Variants in CNTN4 observed in about 807,000 individuals in gnomAD.
CNTN4 encodes the protein contactin 4.
CNTN4 carries 77 observed loss-of-function variants against 122.5 expected under a neutral mutation model. That is an observed-to-expected ratio of 0.63 (90% CI 0.52 to 0.76). CNTN4 has a LOEUF of 0.76. Among genes scored for constraint, CNTN4 ranks in the 30% least tolerant of loss-of-function variants. The pLI is 0.00. For missense variants in CNTN4, 1,256 were observed against 1,259.1 expected (o/e 1.00, Z 0.04); for synonymous variants, 512 against 447.0 (o/e 1.15, Z -1.83).
intron 3 of CNTN4, among the ~76,000 whole-genome samples, chr3:2,355,053 G>C (rs2044809812): frequency 6.6e-6 from 1 of 152,214 alleles, no homozygotes; most frequent in Admixed American, 6.5e-5. Flanking sequence ...AGCTGTATTA[G>C]CTATTTAAAG....
At chr3:2,775,565 G>A (rs940294782) in intron 6 of CNTN4, among the ~76,000 whole-genome samples, 55 of 152,082 alleles carry the variant, frequency 3.6e-4, no homozygotes, top group African/African-American at 1.2e-3. Context: ...GAGTACAAGT[G>A]CGCACCACCA....
intron 2 of CNTN4, among the ~76,000 whole-genome samples, chr3:2,191,388 T>C (rs867971034): frequency 2.6e-5 from 4 of 152,004 alleles, no homozygotes; most frequent in Non-Finnish European, 2.9e-5. Context: ...GTTTTATAAG[T>C]GATACAAGCT....
chr3:2,792,084 T>A (rs902828157), intron 6 of CNTN4, among the ~76,000 whole-genome samples: 6 of 152,190 alleles, frequency 3.9e-5, no homozygotes, highest in Non-Finnish European at 7.3e-5. Flanking sequence ...TAAAATAAAT[T>A]AATTAATTTT....
At chr3:2,818,592 G>A (rs1392269855) in intron 6 of CNTN4, among the ~76,000 whole-genome samples, 5 of 152,142 alleles carry the variant, frequency 3.3e-5, no homozygotes, top group Non-Finnish European at 7.3e-5. Flanking sequence ...ACTCCTTATT[G>A]AGAGGATTTA....
chr3:2,747,227 A>G (rs2013558), intron 6 of CNTN4, among the ~76,000 whole-genome samples: 88,007 of 151,572 alleles, frequency 0.58, 28,667 homozygotes, highest in Non-Finnish European at 0.73. Flanking sequence ...GGCTAACACG[A>G]TGAAACCGCG....
chr3:2,256,046 A>C lies in CNTN4; in HGVS notation c.-144-83132A>C, dbSNP rs556401424. 2.0e-5 allele frequency among the ~76,000 whole-genome samples: 3 copies of C among 152,288 alleles called. No homozygotes were observed. In the South Asian group the frequency reaches 6.2e-4, roughly 32 times the overall value. ...TAGCAAAATAGATAGACTGCTAGCC[A>C]GACTAATAAAGAAGAAAAGAGAGAA... On this transcript the variant is annotated intron_variant, in intron 2 of 24. Coordinates refer to ENST00000418658, the MANE Select transcript of CNTN4 (RefSeq NM_175607.3).
intron 2 of CNTN4, among the ~76,000 whole-genome samples, chr3:2,317,436 T>G (rs866427322): frequency 2.1e-4 from 32 of 152,214 alleles, no homozygotes; most frequent in African/African-American, 7.5e-4. Flanking sequence ...CAACTCCTGA[T>G]CTTTGTCCTC....
At chr3:2,816,872 G>A (rs1486349818) in intron 6 of CNTN4, among the ~76,000 whole-genome samples, 2 of 146,528 alleles carry the variant, frequency 1.4e-5, no homozygotes, top group African/African-American at 2.5e-5. Context: ...AATACCACCT[G>A]TATCCCAATA....
At chr3:2,648,535 G>A (rs182145680) in intron 4 of CNTN4, among the ~76,000 whole-genome samples, 35 of 152,152 alleles carry the variant, frequency 2.3e-4, no homozygotes, top group African/African-American at 7.7e-4. Flanking sequence ...ACCATGAACC[G>A]CACCCATATA....
intron 2 of CNTN4, among the ~76,000 whole-genome samples, chr3:2,169,567 G>T (rs2036361645): frequency 6.6e-6 from 1 of 150,722 alleles, no homozygotes; most frequent in East Asian, 2.0e-4. Context: ...CACCACGCCC[G>T]GCTGATTTTT....
At chr3:2,370,514 C>G (rs1276463345) in intron 3 of CNTN4, among the ~76,000 whole-genome samples, 1 of 152,088 alleles carries the variant, frequency 6.6e-6, no homozygotes, top group Non-Finnish European at 1.5e-5. Flanking sequence ...GAATTGCCCC[C>G]TACTGATTTT....
intron 3 of CNTN4, among the ~76,000 whole-genome samples, chr3:2,349,154 A>G (rs1341618486): frequency 1.3e-5 from 2 of 152,164 alleles, no homozygotes; most frequent in Non-Finnish European, 2.9e-5. Flanking sequence ...AAGAACCATC[A>G]TATCTTATTA....
At chr3:2,353,511 T>C (rs1264847892) in intron 3 of CNTN4, among the ~76,000 whole-genome samples, 1 of 152,060 alleles carries the variant, frequency 6.6e-6, no homozygotes, top group African/African-American at 2.4e-5. Flanking sequence ...GCTATGTCCT[T>C]AAGAGCTGTA....
intron 3 of CNTN4, among the ~76,000 whole-genome samples, chr3:2,434,849 C>T (rs1424494594): frequency 1.3e-5 from 2 of 152,002 alleles, no homozygotes; most frequent in Admixed American, 1.3e-4. Context: ...GCTGTTAATT[C>T]ATGTCGCCAG....
chr3:2,531,556 T>A (rs138820538), intron 3 of CNTN4, among the ~76,000 whole-genome samples: 1 of 152,258 alleles, frequency 6.6e-6, no homozygotes, highest in East Asian at 1.9e-4. Context: ...TTTTCACAAT[T>A]CTCAGTTGCA....
intron 2 of CNTN4, among the ~76,000 whole-genome samples, chr3:2,301,707 C>T (rs1255785952): frequency 6.6e-6 from 1 of 152,172 alleles, no homozygotes; most frequent in African/African-American, 2.4e-5. Context: ...AGTGTGAAGT[C>T]TGAGTTTAAC....
At chr3:2,432,130 AG>A (rs1184198277) in intron 3 of CNTN4, among the ~76,000 whole-genome samples, 37 of 152,206 alleles carry the variant, frequency 2.4e-4, no homozygotes, top group African/African-American at 8.7e-4. Flanking sequence ...CTTACGTAGA[AG>A]TGGCCCAAGT....
At chr3:2,260,937 G>A (rs1004636870) in intron 2 of CNTN4, among the ~76,000 whole-genome samples, 4 of 151,778 alleles carry the variant, frequency 2.6e-5, no homozygotes, top group African/African-American at 9.7e-5. Context: ...CACCATGTTG[G>A]CCAGGCTGGT....
chr3:2,725,682 T>C (rs1318370969), intron 4 of CNTN4, among the ~76,000 whole-genome samples: 1 of 152,166 alleles, frequency 6.6e-6, no homozygotes, highest in Admixed American at 6.5e-5. Context: ...AGCAGATTTT[T>C]AGGGAGTAGT....
Sources: allele counts gnomAD v4.1 joint callset (sites outside exome capture counted in the v4.1 genomes callset), GRCh38; gene constraint gnomAD v4.1.1; transcripts MANE v1.5; gene names NCBI Gene and HGNC (gene_info 2026-07-23, HGNC 2026-07-21).